Variants in CAMK2D observed in about 807,000 individuals in gnomAD.
CAMK2D encodes the protein calcium/calmodulin-dependent protein kinase type II subunit delta.
Under a neutral mutation model 84.0 loss-of-function variants are expected in CAMK2D, and 37 were observed. The ratio of observed to expected loss-of-function variants is 0.44; its 90% CI spans 0.34 to 0.58. CAMK2D has a LOEUF of 0.58. Ranked by LOEUF, CAMK2D falls within the 20% of genes least tolerant of loss-of-function variation. The pLI is 0.02. For synonymous variants in CAMK2D, 202 were observed against 212.5 expected (o/e 0.95, Z 0.43); for missense variants, 448 against 652.5 (o/e 0.69, Z 3.41).
intron 4 of CAMK2D, among the ~76,000 whole-genome samples, chr4:113,607,955 T>G (rs1455281036): frequency 1.3e-5 from 2 of 152,252 alleles, no homozygotes; most frequent in Admixed American, 6.5e-5. Context: ...AGTTGTAATT[T>G]CATTCCCTTA....
chr4:113,480,594 A>G (rs2097690136), intron 16 of CAMK2D, among the ~76,000 whole-genome samples: 1 of 151,916 alleles, frequency 6.6e-6, no homozygotes, highest in Admixed American at 6.6e-5. Flanking sequence ...TAATCCCAGC[A>G]CTTTGGGAGA....
intron 4 of CAMK2D, among the ~76,000 whole-genome samples, chr4:113,579,427 T>C (rs1446940168): frequency 6.6e-6 from 1 of 152,184 alleles, no homozygotes; most frequent in African/African-American, 2.4e-5. Context: ...TGGGGCATAG[T>C]GGGAGGTGTT....
chr4:113,598,163 T>A (rs889439511), intron 4 of CAMK2D, among the ~76,000 whole-genome samples: 1 of 152,162 alleles, frequency 6.6e-6, no homozygotes, highest in Non-Finnish European at 1.5e-5. Flanking sequence ...TCAGACACTG[T>A]GCTATTGGCA....
At chr4:113,661,837 C>T in intron 2 of CAMK2D, 65 bp from the exon 3 acceptor site, 3 of 759,018 alleles carry the variant, frequency 4.0e-6, no homozygotes, top group Non-Finnish European at 6.5e-6. Context: ...CAATAAACAG[C>T]ATAACAAAAT....
chr4:113,551,579 G>T lies in CAMK2D; in HGVS notation c.341+452C>A, dbSNP rs2098629715. Among the ~76,000 whole-genome samples the T allele has an allele frequency of 3.3e-5, 5 of 152,298 alleles. No individual in the cohort carries two copies. The South Asian group carries it at 1.0e-3, about 32-fold the overall frequency. ...GCCAATTGGTAGCTACTAGACACTT[G>T]TGGCTACTAGGCAGTTGGCTAGACC... On this transcript the variant is annotated intron_variant, in intron 5 of 20. Transcript: ENST00000511664.
chr4:113,754,754 A>T, intron 2 of CAMK2D: 1 of 981,238 alleles, frequency 1.0e-6, no homozygotes, highest in Non-Finnish European at 1.2e-6. Context: ...TGAAAGAAGA[A>T]AATGAATGTT....
intron 8 of CAMK2D, among the ~76,000 whole-genome samples, chr4:113,523,347 C>T (rs780538319): frequency 3.3e-5 from 5 of 151,812 alleles, no homozygotes; most frequent in South Asian, 2.1e-4. Context: ...TCACCTGGTG[C>T]GCTTGTTAAA....
chr4:113,539,026 A>G (rs2154189045), intron 6 of CAMK2D, among the ~76,000 whole-genome samples: 1 of 152,360 alleles, frequency 6.6e-6, no homozygotes, highest in African/African-American at 2.4e-5. Flanking sequence ...AAAGACTTTT[A>G]TGCTGAAATG....
intron 2 of CAMK2D, among the ~76,000 whole-genome samples, chr4:113,752,777 C>T (rs2099620263): frequency 6.6e-6 from 1 of 152,132 alleles, no homozygotes; most frequent in Admixed American, 6.5e-5. Flanking sequence ...ATATTGTTGT[C>T]CTTCCAGAAG....
rs868620929 is a variant in CAMK2D at position 113,666,504 on chromosome 4, G to A, written c.161-4732C>T. Reference sequence around the variant, plus strand: ...ACCACCTACCAAATGCCAAGGGAGGGATTTGGGCAAAAGGAGGGGTTGCCT... The same window carrying A: ...ACCACCTACCAAATGCCAAGGGAGGAATTTGGGCAAAAGGAGGGGTTGCCT... On this transcript the variant is annotated intron_variant, in intron 2 of 20. Transcript: ENST00000511664. Among the ~76,000 whole-genome samples, 119 of 152,200 alleles carry A rather than the reference G, an allele frequency of 7.8e-4. 1 individual carries two copies. The highest frequency in any genetic ancestry group is 2.8e-3 in the African/African-American group (116 of 41,532).
intron 12 of CAMK2D, among the ~76,000 whole-genome samples, chr4:113,511,823 T>C (rs1219481865): frequency 5.3e-5 from 8 of 152,212 alleles, no homozygotes; most frequent in Non-Finnish European, 1.2e-4. Flanking sequence ...ATTGTACTAC[T>C]GTTGTTGCTA....
At chr4:113,703,408 TTGAC>T (rs1339296003) in intron 2 of CAMK2D, among the ~76,000 whole-genome samples, 2 of 152,170 alleles carry the variant, frequency 1.3e-5, no homozygotes, top group Non-Finnish European at 2.9e-5. Context: ...CACTGAAGCT[TTGAC>T]TGGCCCAAAC....
intron 2 of CAMK2D, among the ~76,000 whole-genome samples, chr4:113,691,697 G>T (rs1340483740): frequency 6.6e-6 from 1 of 152,068 alleles, no homozygotes; most frequent in Non-Finnish European, 1.5e-5. Flanking sequence ...AAGTTGCAGT[G>T]AGCTGAGATC....
intron 2 of CAMK2D, among the ~76,000 whole-genome samples, chr4:113,732,807 G>T (rs1272561540): frequency 1.3e-5 from 2 of 152,020 alleles, no homozygotes; most frequent in Admixed American, 6.6e-5. Flanking sequence ...TATTCATTTA[G>T]AGTTAATAGC....
At chr4:113,495,918 A>G (rs2097921424) in intron 16 of CAMK2D, among the ~76,000 whole-genome samples, 1 of 152,198 alleles carries the variant, frequency 6.6e-6, no homozygotes, top group African/African-American at 2.4e-5. Flanking sequence ...ACAGGAGCCC[A>G]ACTTCAACAG....
At chr4:113,535,122 T>C (rs2098481033) in intron 7 of CAMK2D, among the ~76,000 whole-genome samples, 1 of 152,174 alleles carries the variant, frequency 6.6e-6, no homozygotes, top group Non-Finnish European at 1.5e-5. Flanking sequence ...CCTATCATCA[T>C]CTTTACCAAT....
chr4:113,488,011 A>G (rs1426022017), intron 16 of CAMK2D, among the ~76,000 whole-genome samples: 5 of 152,068 alleles, frequency 3.3e-5, no homozygotes, highest in African/African-American at 1.2e-4. Flanking sequence ...TTGCTCAAAT[A>G]TAGATTTCAG....
chr4:113,525,511 A>ATTAT (rs2098409952), intron 8 of CAMK2D, among the ~76,000 whole-genome samples: 2 of 152,168 alleles, frequency 1.3e-5, no homozygotes, highest in South Asian at 4.1e-4. Context: ...ATTAATGTTT[A>ATTAT]TTATTTGCTT....
At chr4:113,455,104 T>C (rs774515524) in intron 20 of CAMK2D, among the ~76,000 whole-genome samples, 1 of 152,194 alleles carries the variant, frequency 6.6e-6, no homozygotes, top group Admixed American at 6.5e-5. Flanking sequence ...AACAGCACCA[T>C]ACATATCTGA....
Sources: allele counts gnomAD v4.1 joint callset (sites outside exome capture counted in the v4.1 genomes callset), GRCh38; gene constraint gnomAD v4.1.1; transcripts MANE v1.5; gene names NCBI Gene and HGNC (gene_info 2026-07-23, HGNC 2026-07-21).